KLHL5: variants seen among roughly 807,000 people sequenced by gnomAD.
KLHL5 encodes kelch-like protein 5.
In KLHL5, 48 loss-of-function variants were observed where a neutral mutation model predicts 77.7. The observed-to-expected ratio is 0.62, with a 90% CI of 0.49 to 0.79. The LOEUF (loss-of-function observed/expected upper bound fraction) is 0.79. KLHL5 is among the 30% of genes least tolerant of loss of function. The pLI is 0.00. For missense variants in KLHL5, 723 were observed against 859.7 expected (o/e 0.84, Z 1.99); for synonymous variants, 260 against 297.0 (o/e 0.88, Z 1.28).
intron 5 of KLHL5, among the ~76,000 whole-genome samples, chr4:39,096,278 A>G (rs12642261): frequency 0.5 from 76,204 of 151,930 alleles, 19,456 homozygotes; most frequent in Admixed American, 0.57. Context: ...GCTGAACATC[A>G]TTTAGCAAAG....
intron 2 of KLHL5, among the ~76,000 whole-genome samples, chr4:39,077,793 A>T (rs1719219503): frequency 6.6e-6 from 1 of 152,174 alleles, no homozygotes; most frequent in South Asian, 2.1e-4. Context: ...TTCAGAGGAA[A>T]AGAAGTCATT....
chr4:39,130,056 G>T (rs112433182), downstream of KLHL5, among the ~76,000 whole-genome samples: 2 of 152,234 alleles, frequency 1.3e-5, no homozygotes, highest in Non-Finnish European at 2.9e-5. Flanking sequence ...AGACTAGCTC[G>T]GTCGGGGAGA....
chr4:39,088,294 G>T (rs1212487212), intron 5 of KLHL5, among the ~76,000 whole-genome samples: 1 of 152,174 alleles, frequency 6.6e-6, no homozygotes, highest in Non-Finnish European at 1.5e-5. Flanking sequence ...CTAGCCATAA[G>T]TTCTTAGGGT....
chr4:39,085,935 G>A (rs1286245559), intron 4 of KLHL5, among the ~76,000 whole-genome samples: 1 of 152,098 alleles, frequency 6.6e-6, no homozygotes, highest in African/African-American at 2.4e-5. Flanking sequence ...TCATTAAAAC[G>A]ATCTTGAAGA....
chr4:39,051,107 ACT>A (rs767303909), intron 1 of KLHL5, among the ~76,000 whole-genome samples: 1 of 152,062 alleles, frequency 6.6e-6, no homozygotes, highest in Non-Finnish European at 1.5e-5. Context: ...TCTCCTAGAC[ACT>A]CTTTATCTGG....
chr4:39,099,537 GC>G (rs1483418184), intron 6 of KLHL5, among the ~76,000 whole-genome samples: 8 of 151,982 alleles, frequency 5.3e-5, no homozygotes, highest in Non-Finnish European at 8.8e-5. Context: ...AACCCCATTG[GC>G]CTTTTCATTC....
At chr4:39,076,826 G>T (rs1719097067) in intron 2 of KLHL5, among the ~76,000 whole-genome samples, 2 of 145,740 alleles carry the variant, frequency 1.4e-5, no homozygotes, top group Admixed American at 1.4e-4. Context: ...TCCAAAGAGA[G>T]ATAACATCGG....
At chr4:39,103,984 A>AC (rs1258761221) in intron 7 of KLHL5, among the ~76,000 whole-genome samples, 1 of 151,012 alleles carries the variant, frequency 6.6e-6, no homozygotes, top group Non-Finnish European at 1.5e-5. Flanking sequence ...CAAAAAAAAA[A>AC]AAAAAAAAAA....
intron 1 of KLHL5, among the ~76,000 whole-genome samples, chr4:39,049,264 A>C (rs1716443602): frequency 6.6e-6 from 1 of 152,264 alleles, no homozygotes; most frequent in Non-Finnish European, 1.5e-5. Context: ...AATGAGAATT[A>C]TGAAGAATGT....
intron 6 of KLHL5, among the ~76,000 whole-genome samples, chr4:39,101,301 A>G (rs945485822): frequency 7.9e-5 from 12 of 151,772 alleles, no homozygotes; most frequent in Non-Finnish European, 1.6e-4. Flanking sequence ...TGTATTCATG[A>G]AGAAAGATGA....
chr4:39,069,420 T>C (rs911787830), intron 1 of KLHL5, among the ~76,000 whole-genome samples: 13 of 132,866 alleles, frequency 9.8e-5, no homozygotes, highest in African/African-American at 3.9e-4. Context: ...AATTTTTCCC[T>C]ATTAACATTT....
At chr4:39,093,214 C>T in intron 5 of KLHL5, 1 of 447,216 alleles carries the variant, frequency 2.2e-6, no homozygotes, top group Admixed American at 2.4e-5. Flanking sequence ...ACAGCAGGGA[C>T]AAGTCTCAAA....
intron 8 of KLHL5, among the ~76,000 whole-genome samples, chr4:39,109,163 AAAAC>A (rs1722260821): frequency 6.6e-6 from 1 of 152,200 alleles, no homozygotes; most frequent in African/African-American, 2.4e-5. Flanking sequence ...TTGGTTGAAA[AAAAC>A]CAACGATGCA....
upstream of KLHL5, among the ~76,000 whole-genome samples, chr4:39,060,577 G>T (rs182994166): frequency 2.8e-4 from 42 of 152,280 alleles, no homozygotes; most frequent in Non-Finnish European, 5.0e-4. Context: ...AATCTTGAAG[G>T]ATGAAGTGTG....
intron 5 of KLHL5, among the ~76,000 whole-genome samples, chr4:39,092,947 G>C (rs1436718267): frequency 2.6e-5 from 4 of 152,154 alleles, no homozygotes; most frequent in Admixed American, 2.6e-4. Context: ...CAGTTAGGTT[G>C]TTTCTTAAAA....
chr4:39,070,460 A>G (rs1040848935), intron 1 of KLHL5, among the ~76,000 whole-genome samples: 1 of 152,078 alleles, frequency 6.6e-6, no homozygotes, highest in Non-Finnish European at 1.5e-5. Context: ...GTATTTCTCT[A>G]TTAGAAACAA....
intron 1 of KLHL5, among the ~76,000 whole-genome samples, chr4:39,054,461 A>G (rs908626112): frequency 1.3e-5 from 2 of 152,106 alleles, no homozygotes; most frequent in African/African-American, 4.8e-5. Context: ...AGTCAGTGTA[A>G]AGTATTTTAT....
chr4:39,132,888 G>A, the KLHL5 span, among the ~76,000 whole-genome samples: 2 of 148,598 alleles, frequency 1.3e-5, no homozygotes, highest in Admixed American at 1.3e-4. Context: ...ATTCTATCTA[G>A]TCTTTCATAT....
Position 39,081,128 on chromosome 4 carries a change from T to C in KLHL5, c.592T>C (p.Tyr198His), listed in dbSNP as rs1220169378. The C allele has an allele frequency of 1.2e-6, 2 of 1,612,596 alleles. No homozygotes were observed. The highest frequency in any genetic ancestry group is 1.1e-5 in the South Asian group (1 of 90,914). Reference protein sequence around the residue: ...HRLVLSSVSDYFAAMFTNDVR... With the variant: ...HRLVLSSVSDHFAAMFTNDVR... ...ATTGGTGCTCTCCTCTGTCTCAGAC[T>C]ATTTTGCTGCCATGTTTACTAATGA... Residue 198 changes from tyrosine to histidine, a missense_variant, in exon 3 of 11, where the codon TAT becomes CAT. This residue lies in a region of KLHL5 where 288 missense variants were observed against 400.3 expected (regional missense o/e 0.72). Coordinates refer to ENST00000504108, the MANE Select transcript of KLHL5 (RefSeq NM_015990.5). This position sits in a 1 kb window ranked among gnomAD's most constrained non-coding sequence, Gnocchi z 4.3.
Sources: gnomAD v4.1 joint callset for allele counts (sites outside exome capture counted in the v4.1 genomes callset) on GRCh38, gnomAD v4.1.1 for gene constraint, gnomAD v4.1.1 regional missense constraint, Gnocchi (gnomAD v3.1) non-coding constraint, MANE v1.5 for transcripts, NCBI Gene and HGNC (gene_info 2026-07-23, HGNC 2026-07-21) for gene names.